The following SREK1IP1 variants were observed in gnomAD, a reference collection of about 807,000 sequenced individuals.
SREK1IP1 encodes protein SREK1IP1.
In SREK1IP1, 12 loss-of-function variants were observed where a neutral mutation model predicts 22.8. That is an observed-to-expected ratio of 0.53 (90% confidence interval 0.34 to 0.85). The LOEUF (loss-of-function observed/expected upper bound fraction) is 0.85, where lower values mean the gene tolerates loss of function less well. Among genes scored for constraint, SREK1IP1 ranks in the 40% least tolerant of loss-of-function variants. SREK1IP1 has a pLI of 0.02. For synonymous variants in SREK1IP1, 53 were observed against 52.7 expected (o/e 1.01, Z -0.02); for missense variants, 147 against 171.8 (o/e 0.86, Z 0.81).
At chr5:64,752,684 T>C (rs931948629) in intron 2 of SREK1IP1, among the ~76,000 whole-genome samples, 25 of 152,206 alleles carry the variant, frequency 1.6e-4, no homozygotes, top group African/African-American at 3.1e-4. Context: ...TTGTAAACAA[T>C]TGAAAAATAC....
intron 2 of SREK1IP1, among the ~76,000 whole-genome samples, chr5:64,750,512 T>G (rs1561389539): frequency 6.6e-6 from 1 of 152,136 alleles, no homozygotes; most frequent in Non-Finnish European, 1.5e-5. Flanking sequence ...CAGGCAATGC[T>G]TGAGTGTAAC....
At chr5:64,727,553 A>ATATATATTTTTTTTTTTTTTTTTTT in intron 4 of SREK1IP1, 1 of 84,716 alleles carries the variant, frequency 1.2e-5, no homozygotes, top group Admixed American at 1.1e-4. Flanking sequence ...ATATATATAT[A>ATATATATTTTTTTTTTTTTTTTTTT]TTTTTTTTTT....
intron 2 of SREK1IP1, among the ~76,000 whole-genome samples, chr5:64,746,119 G>A (rs1432247860): frequency 6.6e-6 from 1 of 152,138 alleles, no homozygotes; most frequent in Admixed American, 6.6e-5. Context: ...CATCCAGTGT[G>A]GAAAGAATTG....
intron 4 of SREK1IP1, among the ~76,000 whole-genome samples, chr5:64,726,670 T>C (rs1321251280): frequency 6.6e-6 from 1 of 151,686 alleles, no homozygotes; most frequent in Non-Finnish European, 1.5e-5. Context: ...ATACACAAAA[T>C]ACAGCTAACC....
At chr5:64,759,578 G>T (rs1394785586) in intron 1 of SREK1IP1, among the ~76,000 whole-genome samples, 2 of 152,060 alleles carry the variant, frequency 1.3e-5, no homozygotes, top group Non-Finnish European at 2.9e-5. Context: ...AAGACACGTG[G>T]AAACTTGAGG....
intron 4 of SREK1IP1, chr5:64,727,553 A>ATATATATATATTTTTTTTTT: frequency 8.3e-5 from 7 of 84,678 alleles, no homozygotes; most frequent in African/African-American, 3.8e-4. Context: ...ATATATATAT[A>ATATATATATATTTTTTTTTT]TTTTTTTTTT....
At chr5:64,728,286 T>A in intron 3 of SREK1IP1, 107 bp from the exon 4 acceptor site, 1 of 1,034,670 alleles carries the variant, frequency 9.7e-7, no homozygotes, top group Non-Finnish European at 1.2e-6. Context: ...ATTTCACTGG[T>A]TAGGATAATT....
intron 3 of SREK1IP1, among the ~76,000 whole-genome samples, chr5:64,739,596 T>C (rs1309483970): frequency 6.6e-6 from 1 of 152,166 alleles, no homozygotes; most frequent in Non-Finnish European, 1.5e-5. Flanking sequence ...CAGTTATCAC[T>C]CTTCTGCTTT....
In SREK1IP1 at chr5:64,720,491, A is replaced by G. The variant is rs1431754676; in HGVS notation, c.*3893T>C. 1 of 149,780 alleles carries G rather than the reference A, an allele frequency of 6.7e-6. No individual in the cohort carries two copies. 9.3% of individuals were successfully genotyped at this position (149,780 alleles called of 1,614,324 possible). A position where few individuals can be genotyped will look rare whatever the true frequency, so the allele number is the denominator to read the frequency against. ...ATTGATAAAACCAAACCCTAATAAA[A>G]GTCATTTCCTTCCTTAAAATCTTTT... On this transcript the variant is annotated 3_prime_UTR_variant, in exon 5 of 5. Coordinates refer to ENST00000513458, the MANE Select transcript of SREK1IP1 (RefSeq NM_173829.4).
At chr5:64,744,100 T>A (rs1354331987) in intron 2 of SREK1IP1, among the ~76,000 whole-genome samples, 1 of 152,066 alleles carries the variant, frequency 6.6e-6, no homozygotes, top group Non-Finnish European at 1.5e-5. Context: ...TGAAGGAGTA[T>A]GACCTTCTGG....
chr5:64,726,307 A>G (rs1742263651), intron 4 of SREK1IP1, among the ~76,000 whole-genome samples: 1 of 150,674 alleles, frequency 6.6e-6, no homozygotes, highest in Non-Finnish European at 1.5e-5. Flanking sequence ...GGCCCAAATA[A>G]ATAATCTGTT....
At chr5:64,745,869 T>C (rs1742625349) in intron 2 of SREK1IP1, among the ~76,000 whole-genome samples, 1 of 152,108 alleles carries the variant, frequency 6.6e-6, no homozygotes, top group African/African-American at 2.4e-5. Context: ...GTAATAACTG[T>C]GTTGCAAATT....
At chr5:64,726,831 T>C (rs560181971) in intron 4 of SREK1IP1, among the ~76,000 whole-genome samples, 31 of 152,218 alleles carry the variant, frequency 2.0e-4, no homozygotes, top group African/African-American at 7.5e-4. Context: ...GTCCTGAAAG[T>C]GAAAAATAGA....
intron 4 of SREK1IP1, chr5:64,727,554 T>TATATATATATATATATA (rs1491553760): frequency 2.1e-5 from 2 of 94,264 alleles, no homozygotes; most frequent in African/African-American, 1.4e-4. Context: ...TATATATATA[T>TATATATATATATATATA]TTTTTTTTTT....
intron 1 of SREK1IP1, among the ~76,000 whole-genome samples, chr5:64,758,854 A>G (rs918067373): frequency 6.6e-6 from 1 of 152,242 alleles, no homozygotes; most frequent in Non-Finnish European, 1.5e-5. Flanking sequence ...TGACAGGGAA[A>G]TATAACCAGA....
chr5:64,768,426 G>A (rs1018381379), intron 1 of SREK1IP1, 79 bp downstream of exon 1: 7 of 1,593,304 alleles, frequency 4.4e-6, no homozygotes, highest in Admixed American at 1.7e-5. Flanking sequence ...GCGCTGCTCC[G>A]TACACGCCGC....
intron 2 of SREK1IP1, 31 bp downstream of exon 2, chr5:64,754,284 T>C (rs1742799202): frequency 3.1e-6 from 5 of 1,610,096 alleles, no homozygotes; most frequent in Non-Finnish European, 4.2e-6. Context: ...GTATGAATAA[T>C]GCAAAGCATG....
intron 2 of SREK1IP1, among the ~76,000 whole-genome samples, chr5:64,751,159 C>A (rs897103057): frequency 3.9e-5 from 6 of 152,142 alleles, no homozygotes; most frequent in Non-Finnish European, 7.4e-5. Flanking sequence ...TTTCTTATAA[C>A]TCTTATCTGT....
At chr5:64,743,566 A>C (rs1742584083) in intron 2 of SREK1IP1, among the ~76,000 whole-genome samples, 3 of 152,196 alleles carry the variant, frequency 2.0e-5, no homozygotes, top group South Asian at 2.1e-4. Context: ...AGAAGTACTT[A>C]AAATTATACA....
Sources: gnomAD v4.1 joint callset for allele counts (sites outside exome capture counted in the v4.1 genomes callset) on GRCh38, gnomAD v4.1.1 for gene constraint, MANE v1.5 for transcripts, NCBI Gene and HGNC (gene_info 2026-07-23, HGNC 2026-07-21) for gene names.